The following TNFRSF19 variants were observed in gnomAD, a reference collection of about 807,000 sequenced individuals.
TNFRSF19 encodes the protein TNF receptor superfamily member 19, also known as tumor necrosis factor receptor superfamily member 19.
TNFRSF19 carries 27 observed loss-of-function variants against 46.4 expected under a neutral mutation model. The observed-to-expected ratio is 0.58, with a 90% CI of 0.43 to 0.80. TNFRSF19 has a LOEUF of 0.80. TNFRSF19 is among the 30% of genes least tolerant of loss of function. The pLI is 0.00. For missense variants in TNFRSF19, 511 were observed against 530.8 expected, an observed-to-expected ratio of 0.96 and a Z score of 0.37; for synonymous variants, 204 against 205.0, an observed-to-expected ratio of 1.00 and a Z score of 0.04.
At position 23,590,229 on chromosome 13, in the gene TNFRSF19, C is replaced by G; in HGVS notation, c.46C>G (p.Leu16Val). The change falls in exon 2 of 10, where the codon CTT becomes GTT. Residue 16 changes from leucine (L) to valine (V), a missense_variant. Around this residue, in one of 3 missense-constraint regions of TNFRSF19, gnomAD observed 121 missense variants for 124.1 expected, o/e 0.98. Coordinates refer to ENST00000248484, the MANE Select transcript of TNFRSF19 (RefSeq NM_148957.4). ...LLEQEKTFFT[L>V]LVLLGYLSCK... is the part of the protein sequence containing the mutation. ...AGAACAAGAGAAAACGTTTTTCACT[C>G]TTTTAGTATTACTAGGCTATTTGGT... 1 of 1,590,008 alleles carries G rather than the reference C, an allele frequency of 6.3e-7. No individual in the cohort carries two copies. Among genetic ancestry groups the G allele is most frequent in the Non-Finnish European group, 8.6e-7 (1 of 1,168,318 alleles).
intron 3 of TNFRSF19, among the ~76,000 whole-genome samples, chr13:23,607,055 T>C (rs1880557100): frequency 6.6e-6 from 1 of 152,248 alleles, no homozygotes; most frequent in African/African-American, 2.4e-5. Flanking sequence ...AGGGAAAATT[T>C]AGTCTTTTGA....
Position 23,645,922 on chromosome 13 carries a change from C to T in TNFRSF19, c.446-13128C>T, listed in dbSNP as rs117331138. On this transcript the variant is annotated intron_variant, in intron 5 of 9. Coordinates refer to ENST00000248484, the MANE Select transcript of TNFRSF19 (RefSeq NM_148957.4). ...CCATGGTCCCTCAAAACTTCACCAT[C>T]TCCATAAATTAATAGACAGCACCTA... Among the ~76,000 whole-genome samples, 494 of 152,312 alleles carry T rather than the reference C, an allele frequency of 3.2e-3. 2 individuals are homozygous for T. Among genetic ancestry groups the T allele is most frequent in the Non-Finnish European group, 5.5e-3 (377 of 68,024 alleles).
rs866514053 is a variant in TNFRSF19, at chr13:23,626,118, T to G, written c.360-589T>G. On this transcript the variant is annotated intron_variant, in intron 4 of 9. Coordinates refer to ENST00000248484, the MANE Select transcript of TNFRSF19 (RefSeq NM_148957.4). ...ATAATTAGTACAATTTTTCAATCTT[T>G]GTTTGCCCGTTACCTATTATTGATG... 2.6e-5 allele frequency among the ~76,000 whole-genome samples: 4 copies of G among 152,216 alleles called. 1 individual carries two copies. The highest frequency in any genetic ancestry group is 3.4e-3 in the Middle Eastern group (1 of 294).
chr13:23,599,000 T>G (rs1879931986), intron 3 of TNFRSF19, among the ~76,000 whole-genome samples: 2 of 152,242 alleles, frequency 1.3e-5, no homozygotes, highest in African/African-American at 4.8e-5. Flanking sequence ...AACAAAGAAT[T>G]ATGCATTCTG....
intron 3 of TNFRSF19, among the ~76,000 whole-genome samples, chr13:23,598,883 T>C (rs897544602): frequency 6.6e-6 from 1 of 152,214 alleles, no homozygotes; most frequent in African/African-American, 2.4e-5. Flanking sequence ...TTCTTTTTAT[T>C]TAAAGGGACT....
At chr13:23,636,630 T>C (rs888009871) in intron 5 of TNFRSF19, among the ~76,000 whole-genome samples, 7 of 152,258 alleles carry the variant, frequency 4.6e-5, no homozygotes, top group African/African-American at 1.7e-4. Flanking sequence ...GAAGGTTTAT[T>C]AAGGTGACCC....
In TNFRSF19 at chr13:23,659,161, T is replaced by G; in HGVS notation, c.557T>G (p.Leu186Arg). The change falls in exon 6 of 10, where the codon CTC becomes CGC. Residue 186 changes from leucine to arginine, a missense_variant. Leu to Arg is a moderately radical substitution (Grantham distance 102, BLOSUM62 -2). Transcript: ENST00000248484. This position sits in a 1 kb window ranked among gnomAD's most constrained non-coding sequence, Gnocchi z 4.9. Reference sequence around the variant, plus strand: ...CTGGCCACCGTCCTGCTGGCCCTGCTCATCCTCTGTGTCATCTATTGTAAG... The same window carrying G: ...CTGGCCACCGTCCTGCTGGCCCTGCGCATCCTCTGTGTCATCTATTGTAAG... ...SALATVLLAL[L>R]ILCVIYCKRQ... 1 of 1,614,174 alleles carries G rather than the reference T, an allele frequency of 6.2e-7. No homozygotes were observed. Among genetic ancestry groups the G allele is most frequent in the Non-Finnish European group, 8.5e-7 (1 of 1,180,030 alleles).
At chr13:23,657,787 A>G (rs1593293602) in intron 5 of TNFRSF19, among the ~76,000 whole-genome samples, 1 of 152,062 alleles carries the variant, frequency 6.6e-6, no homozygotes, top group African/African-American at 2.4e-5. Flanking sequence ...TCATAGGCTC[A>G]AGGGATCCTC....
chr13:23,630,491 T>A (rs1882288166), intron 5 of TNFRSF19, among the ~76,000 whole-genome samples: 1 of 152,090 alleles, frequency 6.6e-6, no homozygotes, highest in Non-Finnish European at 1.5e-5. Context: ...TTTGTGATGA[T>A]AATCCTCCCA....
rs139840198 is a variant in TNFRSF19 at position 23,660,046 on chromosome 13, G to A, written c.611-319G>A. 6.9e-3 allele frequency among the ~76,000 whole-genome samples: 1,044 copies of A among 152,134 alleles called. 12 individuals are homozygous for A. The highest frequency in any genetic ancestry group is 0.024 in the African/African-American group (980 of 41,484). The stretch of plus-strand genomic sequence containing the variant: ...GAAAATCTGTGTATAAGTGACCTGC[G>A]CAGTTCAAACCCGTGTTGCTTAAGG... On this transcript the variant is annotated intron_variant, in intron 6 of 9. Transcript: ENST00000248484.
chr13:23,608,312 A>G (rs945748918), intron 3 of TNFRSF19, among the ~76,000 whole-genome samples: 1 of 152,254 alleles, frequency 6.6e-6, no homozygotes, highest in Non-Finnish European at 1.5e-5. Context: ...TATCTCTTGT[A>G]ATACATATTA....
At position 23,673,472 on chromosome 13, in the gene TNFRSF19, A is replaced by G. The variant is rs1054329173; in HGVS notation, c.*92A>G. On this transcript the variant is annotated 3_prime_UTR_variant, in exon 10 of 10. Coordinates refer to ENST00000248484, the MANE Select transcript of TNFRSF19 (RefSeq NM_148957.4). ...ATGGACTGAGCAGTCTGGACCTTGC[A>G]TGGCTTCTGGGGCAAAAATAAATCT... 2 of 1,442,314 alleles carry G rather than the reference A, an allele frequency of 1.4e-6. No homozygotes were observed. Among genetic ancestry groups the G allele is most frequent in the Non-Finnish European group, 1.8e-6 (2 of 1,087,006 alleles). The allele number at this position is 1,442,314 out of a possible 1,614,324, so 89.3% of individuals were successfully genotyped here.
At chr13:23,649,813 ATTAT>A (rs1468271698) in intron 5 of TNFRSF19, among the ~76,000 whole-genome samples, 1 of 152,038 alleles carries the variant, frequency 6.6e-6, no homozygotes, top group African/African-American at 2.4e-5. Context: ...TGACCCATTG[ATTAT>A]TTAAGAGTAT....
At position 23,668,945 on chromosome 13, in the gene TNFRSF19, C is replaced by T. The variant is rs745961009; in HGVS notation, c.1093C>T (p.His365Tyr). The change falls in exon 9 of 10, where the codon CAT becomes TAT. Residue 365 changes from histidine (H) to tyrosine (Y), a missense_variant. Around this residue, in one of 3 missense-constraint regions of TNFRSF19, gnomAD observed 376 missense variants for 372.7 expected, o/e 1.01. Transcript: ENST00000248484. ...TGGTGGGGCTGTTCCAGTCCAGTCT[C>T]ATTCTGAAAACTTTACAGCAGCTAC... The part of the protein sequence containing the change: ...LVGGAVPVQS[H>Y]SENFTAATDL... 9.3e-6 allele frequency: 15 copies of T among 1,614,250 alleles called. No individual in the cohort carries two copies. The highest frequency in any genetic ancestry group is 1.3e-5 in the Non-Finnish European group (15 of 1,180,054).
At chr13:23,620,451 C>T (rs1881581893) in intron 4 of TNFRSF19, among the ~76,000 whole-genome samples, 2 of 152,178 alleles carry the variant, frequency 1.3e-5, no homozygotes, top group African/African-American at 2.4e-5. Flanking sequence ...CCTCCGTGCC[C>T]ACAATTTGAG....
At position 23,573,302 on chromosome 13, in the gene TNFRSF19, G is replaced by A. The variant is rs55750077; in HGVS notation, c.-35+2454G>A. Among the ~76,000 whole-genome samples the A allele has an allele frequency of 4.9e-3, 746 of 152,066 alleles. 5 individuals carry two copies. Among genetic ancestry groups the A allele is most frequent in the African/African-American group, 0.017 (696 of 41,448 alleles). ...TTTTTTTTGTTTCCATGATAGATATGTCAGTCAGCTGGATTCGTCTGATTA... is the reference window on the plus strand; with the variant it reads ...TTTTTTTTGTTTCCATGATAGATATATCAGTCAGCTGGATTCGTCTGATTA... On this transcript the variant is annotated intron_variant, in intron 1 of 9. Coordinates refer to ENST00000248484, the MANE Select transcript of TNFRSF19 (RefSeq NM_148957.4).
At chr13:23,620,678 T>A (rs964823932) in intron 4 of TNFRSF19, among the ~76,000 whole-genome samples, 1 of 152,218 alleles carries the variant, frequency 6.6e-6, no homozygotes, top group African/African-American at 2.4e-5. Flanking sequence ...TTGGACATTA[T>A]TGCCAATTGA....
At chr13:23,656,800 C>T (rs1410027833) in intron 5 of TNFRSF19, among the ~76,000 whole-genome samples, 2 of 152,164 alleles carry the variant, frequency 1.3e-5, no homozygotes, top group Non-Finnish European at 2.9e-5. Context: ...CAAGTCACTT[C>T]CCCTTCTCTG....
chr13:23,594,961 C>T (rs748673101), intron 3 of TNFRSF19, among the ~76,000 whole-genome samples: 6 of 152,190 alleles, frequency 3.9e-5, no homozygotes, highest in Admixed American at 6.5e-5. Flanking sequence ...GCCAATGATA[C>T]CCAGGCAAAC....
Sources: gnomAD v4.1 joint callset for allele counts (sites outside exome capture counted in the v4.1 genomes callset) on GRCh38, gnomAD v4.1.1 for gene constraint, gnomAD v4.1.1 regional missense constraint, Gnocchi (gnomAD v3.1) non-coding constraint, MANE v1.5 for transcripts, NCBI Gene and HGNC (gene_info 2026-07-23, HGNC 2026-07-21) for gene names.